Variants in SS18 observed in about 807,000 individuals in gnomAD.
The protein encoded by SS18 is SS18 subunit of BAF chromatin remodeling complex.
Under a neutral mutation model 72.5 loss-of-function variants are expected in SS18, and 28 were observed. The ratio of observed to expected loss-of-function variants is 0.39; its 90% CI spans 0.29 to 0.53. The LOEUF (loss-of-function observed/expected upper bound fraction) is 0.53, where lower values mean the gene tolerates loss of function less well. Among genes scored for constraint, SS18 ranks in the 20% least tolerant of loss-of-function variants. The pLI, the probability that SS18 is intolerant of heterozygous loss-of-function variation, is 0.76. For missense variants in SS18, 518 were observed against 535.3 expected (o/e 0.97, Z 0.32); for synonymous variants, 172 against 164.2 (o/e 1.05, Z -0.37).
At chr18:26,075,697 C>T (rs908076567) in intron 3 of SS18, among the ~76,000 whole-genome samples, 4 of 151,884 alleles carry the variant, frequency 2.6e-5, no homozygotes, top group African/African-American at 9.7e-5. Flanking sequence ...TCTATCACCA[C>T]TTCTATTCAG....
At chr18:26,078,736 A>T (rs1022285880) in intron 2 of SS18, among the ~76,000 whole-genome samples, 1 of 152,040 alleles carries the variant, frequency 6.6e-6, no homozygotes, top group Non-Finnish European at 1.5e-5. Context: ...AAAATACAAA[A>T]ATTAGCTGGG....
chr18:26,025,225 T>C (rs1567987326), intron 10 of SS18, among the ~76,000 whole-genome samples: 2 of 152,094 alleles, frequency 1.3e-5, no homozygotes, highest in Non-Finnish European at 2.9e-5. Context: ...CAGCATCAGA[T>C]GCAGTTTAAG....
At position 26,050,397 on chromosome 18, in the gene SS18, GCTT is replaced by G. The variant is rs1317746754; in HGVS notation, c.607+2224_607+2226del. On this transcript the variant is annotated intron_variant, in intron 5 of 10. Transcript: ENST00000415083. ...AAAAACTTTCAATGTAAAATATGCA[GCTT>G]ATTTTTATAAAAACTAAGAAAATGT... Among the ~76,000 whole-genome samples the G allele has an allele frequency of 4.6e-5, 7 of 151,824 alleles. No homozygotes were observed. The East Asian group carries it at 1.2e-3, about 25-fold the overall frequency.
chr18:26,035,114 A>G lies in SS18; in HGVS notation c.987T>C (p.Tyr329=), dbSNP rs2053605331. The part of the protein sequence containing the change: ...QHYYEGGNSQ[Y]GQQQDAYQGP... ...CCTGGTATGCATCTTGCTGTTGGCC[A>G]TACTGTGAATTTCCTACAGGATAAT... Residue 329 remains tyrosine, a synonymous_variant, in exon 9 of 11, where the codon TAT becomes TAC. Transcript: ENST00000415083. This position sits in a 1 kb window ranked among gnomAD's most constrained non-coding sequence, Gnocchi z 4.4. 6 of 1,612,858 alleles carry G rather than the reference A, an allele frequency of 3.7e-6. No homozygotes were observed.
intron 7 of SS18, 42 bp downstream of exon 7, chr18:26,038,513 G>A: frequency 6.6e-7 from 1 of 1,505,794 alleles, no homozygotes; most frequent in Non-Finnish European, 9.2e-7. Context: ...TTAATATTAG[G>A]CAGGGATAGA....
At chr18:26,066,493 T>C (rs888714241) in intron 3 of SS18, among the ~76,000 whole-genome samples, 19 of 152,210 alleles carry the variant, frequency 1.2e-4, no homozygotes, top group African/African-American at 4.6e-4. Context: ...CCAGTTGCCC[T>C]TCTGAAAACC....
chr18:26,066,600 G>GCGCGCACACACACA (rs148515889), intron 3 of SS18, among the ~76,000 whole-genome samples: 3 of 144,332 alleles, frequency 2.1e-5, no homozygotes, highest in Non-Finnish European at 4.6e-5. Context: ...GGAAATTTGT[G>GCGCGCACACACACA]CACACACACA....
chr18:26,034,314 C>T (rs1207010910), intron 9 of SS18, among the ~76,000 whole-genome samples: 1 of 152,126 alleles, frequency 6.6e-6, no homozygotes, highest in Admixed American at 6.5e-5. Context: ...TTTCTTTCAA[C>T]AGAGTTGTAT....
intron 3 of SS18, among the ~76,000 whole-genome samples, chr18:26,069,808 G>C (rs1021792396): frequency 6.6e-6 from 1 of 152,142 alleles, no homozygotes; most frequent in African/African-American, 2.4e-5. Flanking sequence ...GAATGAAATT[G>C]TTCTCTCATA....
At chr18:26,045,952 C>T (rs1319389938) in intron 5 of SS18, among the ~76,000 whole-genome samples, 2 of 151,950 alleles carry the variant, frequency 1.3e-5, no homozygotes, top group Non-Finnish European at 2.9e-5. Context: ...TTTGGGAGGC[C>T]TAGGTGGGTG....
chr18:26,058,255 T>C (rs1227791059), intron 3 of SS18, among the ~76,000 whole-genome samples: 3 of 152,342 alleles, frequency 2.0e-5, no homozygotes, highest in African/African-American at 4.8e-5. Flanking sequence ...ACTACTGCTA[T>C]AGATTGGAAA....
At chr18:26,074,311 TAA>T (rs199933029) in intron 3 of SS18, among the ~76,000 whole-genome samples, 3 of 137,888 alleles carry the variant, frequency 2.2e-5, no homozygotes, top group African/African-American at 2.6e-5. Context: ...CAACTAACCT[TAA>T]AAAAAAAAAA....
At chr18:26,049,359 GT>G (rs1308264635) in intron 5 of SS18, among the ~76,000 whole-genome samples, 2 of 152,176 alleles carry the variant, frequency 1.3e-5, no homozygotes, top group African/African-American at 4.8e-5. Context: ...ATAAGATTTT[GT>G]GTGTCCATCC....
chr18:26,086,372 T>A (rs755165940), intron 2 of SS18, among the ~76,000 whole-genome samples: 1 of 152,152 alleles, frequency 6.6e-6, no homozygotes, highest in Non-Finnish European at 1.5e-5. Flanking sequence ...ATGAGATGTG[T>A]TATTAAAGCA....
At chr18:26,031,198 C>A (rs922067) in intron 10 of SS18, among the ~76,000 whole-genome samples, 9,516 of 152,234 alleles carry the variant, frequency 0.063, 821 homozygotes, top group African/African-American at 0.2. Flanking sequence ...CTTAATAAAA[C>A]CTCCAACTGA....
rs1349234465 is a variant in SS18, at chr18:26,075,061, TAACA to T, written c.231+3011_231+3014del. On this transcript the variant is annotated intron_variant, in intron 3 of 10. Transcript: ENST00000415083. Reference sequence around the variant, plus strand: ...TTTATAAAATATAGAAATTGTCCTATAACAATTAAAGAAGTAAGTAAATAAAAAC... The same window carrying T: ...TTTATAAAATATAGAAATTGTCCTATATTAAAGAAGTAAGTAAATAAAAAC... Among the ~76,000 whole-genome samples, 4 of 151,890 alleles carry T rather than the reference TAACA, an allele frequency of 2.6e-5. No homozygotes were observed. In the East Asian group the frequency reaches 7.7e-4, roughly 29 times the overall value.
chr18:26,080,399 T>A (rs1382241628), intron 2 of SS18: 1 of 985,190 alleles, frequency 1.0e-6, no homozygotes, highest in Non-Finnish European at 1.2e-6. Context: ...CAAACCATAC[T>A]AACAGATGTG....
intron 3 of SS18, among the ~76,000 whole-genome samples, chr18:26,073,733 GTAAA>G (rs1568026601): frequency 3.3e-5 from 5 of 152,262 alleles, no homozygotes; most frequent in East Asian, 1.9e-4. Flanking sequence ...TCCATGTCTT[GTAAA>G]TAAATATTCA....
intron 9 of SS18, among the ~76,000 whole-genome samples, chr18:26,032,765 C>CA (rs1423432208): frequency 6.6e-6 from 1 of 152,036 alleles, no homozygotes; most frequent in African/African-American, 2.4e-5. Context: ...CTAGCCATTA[C>CA]AAAATATATT....
Sources: gnomAD v4.1 joint callset for allele counts (sites outside exome capture counted in the v4.1 genomes callset) on GRCh38, gnomAD v4.1.1 for gene constraint, Gnocchi (gnomAD v3.1) non-coding constraint, MANE v1.5 for transcripts, NCBI Gene and HGNC (gene_info 2026-07-23, HGNC 2026-07-21) for gene names.